Variants in PPP2R1B observed in about 807,000 individuals in gnomAD.
PPP2R1B encodes the protein serine/threonine-protein phosphatase 2A 65 kDa regulatory subunit A beta isoform.
A neutral mutation model predicts 72.7 loss-of-function variants in PPP2R1B; 58 were observed. The ratio of observed to expected loss-of-function variants is 0.80; its 90% CI spans 0.65 to 0.99. The LOEUF (loss-of-function observed/expected upper bound fraction) is 0.99. Among genes scored for constraint, PPP2R1B ranks in the 50% least tolerant of loss-of-function variants. The pLI is 0.00. For missense variants in PPP2R1B, 695 were observed against 733.6 expected, an observed-to-expected ratio of 0.95 and a Z score of 0.61; for synonymous variants, 256 against 264.6, an observed-to-expected ratio of 0.97 and a Z score of 0.32.
downstream of PPP2R1B, among the ~76,000 whole-genome samples, chr11:111,734,586 G>A (rs938403581): frequency 1.3e-5 from 2 of 152,218 alleles, no homozygotes; most frequent in East Asian, 1.9e-4. Flanking sequence ...ACCAGCCTAC[G>A]TCTGACTTCC....
chr11:111,734,934 T>C (rs1944296106), downstream of PPP2R1B, among the ~76,000 whole-genome samples: 1 of 152,218 alleles, frequency 6.6e-6, no homozygotes, highest in Non-Finnish European at 1.5e-5. Context: ...AGCTGCAGAA[T>C]GGCTCCAGCC....
downstream of PPP2R1B, chr11:111,723,450 C>A: frequency 6.5e-7 from 1 of 1,530,954 alleles, no homozygotes; most frequent in South Asian, 1.3e-5. Flanking sequence ...AAATTGCCAT[C>A]ACTTGAGAAG....
At chr11:111,692,370 A>C in the PPP2R1B span, among the ~76,000 whole-genome samples, 2 of 132,642 alleles carry the variant, frequency 1.5e-5, no homozygotes, top group South Asian at 2.3e-4. Context: ...AAAAAAAAAA[A>C]AAAAAAAAAA....
intron 3 of PPP2R1B, chr11:111,761,328 TTAA>T (rs1565478909): frequency 5.6e-6 from 3 of 531,250 alleles, no homozygotes; most frequent in Non-Finnish European, 7.1e-6. Flanking sequence ...TGACACAATA[TTAA>T]TATTACTGTG....
intron 9 of PPP2R1B, among the ~76,000 whole-genome samples, chr11:111,752,733 T>C (rs1353882090): frequency 6.6e-6 from 1 of 152,118 alleles, no homozygotes; most frequent in Non-Finnish European, 1.5e-5. Flanking sequence ...CCCAGCACTT[T>C]GGGAGGCCGA....
chr11:111,758,498 G>A (rs781935293), intron 5 of PPP2R1B, among the ~76,000 whole-genome samples: 3 of 152,164 alleles, frequency 2.0e-5, no homozygotes, highest in Non-Finnish European at 4.4e-5. Flanking sequence ...GCTGAGGCAG[G>A]AGAATTGCTT....
chr11:111,754,297 C>G (rs1555048858), intron 8 of PPP2R1B, among the ~76,000 whole-genome samples: 1 of 152,156 alleles, frequency 6.6e-6, no homozygotes, highest in African/African-American at 2.4e-5. Context: ...GTAACATAAA[C>G]CTATGCACCA....
At chr11:111,723,247 A>G (rs1383743458), downstream of PPP2R1B, among the ~76,000 whole-genome samples, 1 of 152,188 alleles carries the variant, frequency 6.6e-6, no homozygotes, top group African/African-American at 2.4e-5. Context: ...TGTATAAAGG[A>G]AAAAACTCGG....
the PPP2R1B span, among the ~76,000 whole-genome samples, chr11:111,697,116 G>A: frequency 5.3e-5 from 8 of 152,216 alleles, no homozygotes; most frequent in African/African-American, 1.9e-4. Context: ...GCTCGAAGTA[G>A]TTAAACTTGG....
chr11:111,719,958 A>T, the PPP2R1B span: 1 of 1,613,918 alleles, frequency 6.2e-7, no homozygotes, highest in Non-Finnish European at 8.5e-7. Context: ...GAGACGGCAC[A>T]CTCTGTCAGA....
downstream of PPP2R1B, among the ~76,000 whole-genome samples, chr11:111,733,699 C>T (rs971240725): frequency 6.6e-6 from 1 of 152,220 alleles, no homozygotes; most frequent in Non-Finnish European, 1.5e-5. Context: ...GCTCCCGGAG[C>T]GCACAGCCTT....
chr11:111,758,318 A>G (rs1299413054), intron 5 of PPP2R1B, among the ~76,000 whole-genome samples: 4 of 152,140 alleles, frequency 2.6e-5, no homozygotes, highest in Non-Finnish European at 1.5e-5. Context: ...AAGGCCGGGC[A>G]CGGTGGCTCA....
chr11:111,732,194 C>A, intron 15 of PPP2R1B, among the ~76,000 whole-genome samples: 1 of 152,254 alleles, frequency 6.6e-6, no homozygotes, highest in East Asian at 1.9e-4. Flanking sequence ...TGGCGAGCAG[C>A]TGCTTTCTGC....
downstream of PPP2R1B, chr11:111,737,857 C>T (rs1944384493): frequency 8.1e-7 from 1 of 1,236,526 alleles, no homozygotes; most frequent in South Asian, 2.3e-5. Flanking sequence ...GAGCCCCAAC[C>T]ACAGGAAAGA....
In PPP2R1B at chr11:111,765,268, C is replaced by T. The variant is rs181250898; in HGVS notation, c.205+26G>A. The T allele has an allele frequency of 6.3e-6, 10 of 1,579,420 alleles. No individual in the cohort carries two copies. The East Asian group carries it at 8.9e-5, about 14-fold the overall frequency. ...CTACTGGAAAATGGAATGTCCCTAC[C>T]TTTCTTTAAACAAAGATTCACATAC... On this transcript the variant is annotated intron_variant, in intron 2 of 14. Transcript: ENST00000527614.
At chr11:111,725,005 G>A (rs923060357), downstream of PPP2R1B, 2 of 152,536 alleles carry the variant, frequency 1.3e-5, no homozygotes, top group South Asian at 2.1e-4. Context: ...GGTCTCCAGG[G>A]TACCTGTTGT....
At position 111,738,876 on chromosome 11, in the gene PPP2R1B, A is replaced by G. The variant is rs1944421250; in HGVS notation, c.*2720T>C. 1 of 950,598 alleles carries G rather than the reference A, an allele frequency of 1.1e-6. No homozygotes were observed. The highest frequency in any genetic ancestry group is 2.1e-5 in the African/African-American group (1 of 48,102). 58.9% of individuals were successfully genotyped at this position (950,598 alleles called of 1,614,324 possible). A position where few individuals can be genotyped will look rare whatever the true frequency, so the allele number is the denominator to read the frequency against. On this transcript the variant is annotated 3_prime_UTR_variant, in exon 15 of 15. Transcript: ENST00000527614. The stretch of plus-strand genomic sequence containing the variant: ...TGAGACATTTTTATTGGCATAGGTT[A>G]TATGTTTGTGTGTGTGTGTGTGTGT...
At chr11:111,719,855 G>A in the PPP2R1B span, 1 of 1,614,118 alleles carries the variant, frequency 6.2e-7, no homozygotes, top group Non-Finnish European at 8.5e-7. Flanking sequence ...ACATGATGGA[G>A]ACCTCCATTG....
At chr11:111,724,483 G>A (rs146444945), downstream of PPP2R1B, 119 of 268,194 alleles carry the variant, frequency 4.4e-4, 2 homozygotes, top group East Asian at 8.8e-3. Context: ...GGGCAACCTT[G>A]GTGAAAGCAG....
Sources: gnomAD v4.1 joint callset for allele counts (sites outside exome capture counted in the v4.1 genomes callset) on GRCh38, gnomAD v4.1.1 for gene constraint, MANE v1.5 for transcripts, NCBI Gene and HGNC (gene_info 2026-07-23, HGNC 2026-07-21) for gene names.